GPD1L: variants seen among roughly 807,000 people sequenced by gnomAD.
GPD1L encodes the protein glycerol-3-phosphate dehydrogenase 1-like protein.
GPD1L carries 17 observed loss-of-function variants against 32.9 expected under a neutral mutation model. The ratio of observed to expected loss-of-function variants is 0.52; its 90% CI spans 0.35 to 0.78. The LOEUF (loss-of-function observed/expected upper bound fraction) is 0.78. GPD1L is among the 30% of genes least tolerant of loss of function. The pLI is 0.01. For synonymous variants in GPD1L, 187 were observed against 165.9 expected, an observed-to-expected ratio of 1.13 and a Z score of -0.98; for missense variants, 361 against 447.8, an observed-to-expected ratio of 0.81 and a Z score of 1.75.
intron 1 of GPD1L, among the ~76,000 whole-genome samples, chr3:32,107,263 C>T (rs1323674406): frequency 1.3e-5 from 2 of 152,168 alleles, no homozygotes; most frequent in Admixed American, 6.5e-5. Flanking sequence ...CTCGCCCCCG[C>T]TTCTGATAGG....
rs183116674 is a variant in GPD1L at position 32,118,325 on chromosome 3, C to T, written c.48-9751C>T. On this transcript the variant is annotated intron_variant, in intron 1 of 7. Transcript: ENST00000282541. The stretch of plus-strand genomic sequence containing the variant: ...ACCAACAAGAAAGGATGTATTCATG[C>T]AACAAATGTTTGTTGTGCATCTACT... Among the ~76,000 whole-genome samples, 5 of 152,302 alleles carry T rather than the reference C, an allele frequency of 3.3e-5. No homozygotes were observed. The East Asian group carries it at 9.6e-4, about 29-fold the overall frequency.
At chr3:32,118,471 A>G (rs1205458550) in intron 1 of GPD1L, among the ~76,000 whole-genome samples, 1 of 152,120 alleles carries the variant, frequency 6.6e-6, no homozygotes, top group Non-Finnish European at 1.5e-5. Flanking sequence ...TCAGGGATAT[A>G]TTCACTGCTG....
intron 1 of GPD1L, among the ~76,000 whole-genome samples, chr3:32,125,714 C>T (rs1438137441): frequency 6.6e-6 from 1 of 152,216 alleles, no homozygotes; most frequent in Non-Finnish European, 1.5e-5. Context: ...CTATTTATCT[C>T]TCTGAGCGGG....
At chr3:32,159,179 A>G in intron 6 of GPD1L, 70 bp downstream of exon 6, 1 of 1,135,424 alleles carries the variant, frequency 8.8e-7, no homozygotes, top group Non-Finnish European at 1.3e-6. Context: ...GGTGAACTGC[A>G]GCCCAGTGGA....
intron 4 of GPD1L, among the ~76,000 whole-genome samples, chr3:32,146,088 T>TC (rs1700819242): frequency 5.9e-5 from 3 of 50,888 alleles, no homozygotes; most frequent in Admixed American, 1.7e-4. Context: ...TTTTTCTTTT[T>TC]TTTTTTTTTT....
chr3:32,151,446 C>A lies in GPD1L; in HGVS notation c.618+4712C>A, dbSNP rs1700917785. 6.1e-6 allele frequency: 3 copies of A among 489,408 alleles called. No homozygotes were observed. In the Admixed American group the frequency reaches 9.8e-5, roughly 16 times the overall value. The allele number at this position is 489,408 out of a possible 1,614,324, so 30.3% of individuals were successfully genotyped here. A position where few individuals can be genotyped will look rare whatever the true frequency, so the allele number is the denominator to read the frequency against. ...ATTCCCCTGATGTCTACAATATCAT[C>A]TTTTTTTAAAAAAAGGTTTTTTAGC... On this transcript the variant is annotated intron_variant, in intron 5 of 7. Transcript: ENST00000282541.
chr3:32,116,027 A>C (rs1389022340), intron 1 of GPD1L, among the ~76,000 whole-genome samples: 2 of 151,714 alleles, frequency 1.3e-5, no homozygotes. Flanking sequence ...TGACCTCGTG[A>C]TGTGCCCGCC....
At chr3:32,156,116 C>A (rs1406836968) in intron 5 of GPD1L, among the ~76,000 whole-genome samples, 1 of 152,170 alleles carries the variant, frequency 6.6e-6, no homozygotes, top group Non-Finnish European at 1.5e-5. Flanking sequence ...CGCACCCGAC[C>A]CCCCAGCATC....
At chr3:32,116,872 C>T (rs1298629646) in intron 1 of GPD1L, among the ~76,000 whole-genome samples, 2 of 152,134 alleles carry the variant, frequency 1.3e-5, no homozygotes. Context: ...GTATGAGGTA[C>T]TGTATTGTCA....
At chr3:32,107,232 T>G (rs1290318945) in intron 1 of GPD1L, among the ~76,000 whole-genome samples, 1 of 152,152 alleles carries the variant, frequency 6.6e-6, no homozygotes, top group Non-Finnish European at 1.5e-5. Context: ...CGGGGCATGC[T>G]CTGCCCTTCA....
intron 1 of GPD1L, among the ~76,000 whole-genome samples, chr3:32,117,085 T>A (rs2125471145): frequency 6.6e-6 from 1 of 152,342 alleles, no homozygotes; most frequent in Non-Finnish European, 1.5e-5. Context: ...TCTACATACT[T>A]ATTTTCTCCT....
intron 5 of GPD1L, among the ~76,000 whole-genome samples, chr3:32,154,951 G>C (rs1479500706): frequency 1.3e-5 from 2 of 152,080 alleles, no homozygotes; most frequent in African/African-American, 4.8e-5. Flanking sequence ...GTTTCACTAT[G>C]TTGCCCAGGC....
At chr3:32,149,920 G>A (rs1331079348) in intron 5 of GPD1L, among the ~76,000 whole-genome samples, 3 of 149,576 alleles carry the variant, frequency 2.0e-5, no homozygotes, top group African/African-American at 7.5e-5. Context: ...CTGCACTCCA[G>A]CCTGGGCGAC....
chr3:32,115,223 A>G (rs926474369), intron 1 of GPD1L, among the ~76,000 whole-genome samples: 1 of 151,808 alleles, frequency 6.6e-6, no homozygotes, highest in African/African-American at 2.4e-5. Flanking sequence ...CTTTAGCTAG[A>G]CACAGAGTGC....
chr3:32,121,688 T>G (rs971704559), intron 1 of GPD1L, among the ~76,000 whole-genome samples: 1 of 140,026 alleles, frequency 7.1e-6, no homozygotes, highest in Non-Finnish European at 1.5e-5. Flanking sequence ...TATATTTCTA[T>G]ATATATATTT....
intron 7 of GPD1L, among the ~76,000 whole-genome samples, chr3:32,161,084 T>C (rs552903388): frequency 1.3e-5 from 2 of 152,276 alleles, no homozygotes; most frequent in South Asian, 4.2e-4. Flanking sequence ...CTATTATCTC[T>C]GGTTGCAGCT....
chr3:32,143,022 A>G (rs905713539), intron 4 of GPD1L, among the ~76,000 whole-genome samples: 10 of 152,076 alleles, frequency 6.6e-5, no homozygotes, highest in African/African-American at 2.4e-4. Context: ...AAAGAAAAAA[A>G]AAAATTTTTT....
chr3:32,145,882 G>GAAAC (rs1480408358), intron 4 of GPD1L, among the ~76,000 whole-genome samples: 3 of 151,554 alleles, frequency 2.0e-5, no homozygotes, highest in East Asian at 3.9e-4. Flanking sequence ...TAGATATTGT[G>GAAAC]TTTTATTATG....
At chr3:32,146,929 G>A (rs768585854) in intron 5 of GPD1L, among the ~76,000 whole-genome samples, 195 bp downstream of exon 5, 1 of 152,198 alleles carries the variant, frequency 6.6e-6, no homozygotes, top group Non-Finnish European at 1.5e-5. Flanking sequence ...CTCGTGGCTT[G>A]CTTTAACTTG....
Sources: gnomAD v4.1 joint callset for allele counts (sites outside exome capture counted in the v4.1 genomes callset) on GRCh38, gnomAD v4.1.1 for gene constraint, MANE v1.5 for transcripts, NCBI Gene and HGNC (gene_info 2026-07-23, HGNC 2026-07-21) for gene names.